The following TBC1D8 variants were observed in gnomAD, a reference collection of about 807,000 sequenced individuals.
TBC1D8 encodes BUB2-like protein 1.
In TBC1D8, 65 loss-of-function variants were observed where a neutral mutation model predicts 118.8. The observed-to-expected ratio is 0.55, with a 90% CI of 0.45 to 0.67. The LOEUF is 0.67. Among genes scored for constraint, TBC1D8 ranks in the 30% least tolerant of loss-of-function variants. TBC1D8 has a pLI of 0.00. For missense variants in TBC1D8, 1,376 were observed against 1,471.2 expected (o/e 0.94, Z 1.06); for synonymous variants, 566 against 595.8 (o/e 0.95, Z 0.73).
intron 15 of TBC1D8, among the ~76,000 whole-genome samples, chr2:101,022,767 C>A (rs1680117994): frequency 6.6e-6 from 1 of 152,136 alleles, no homozygotes; most frequent in Non-Finnish European, 1.5e-5. Flanking sequence ...ACCAATGTAA[C>A]TATTTTTAAA....
intron 15 of TBC1D8, among the ~76,000 whole-genome samples, chr2:101,024,481 A>G (rs1279806563): frequency 7.0e-6 from 1 of 143,154 alleles, no homozygotes; most frequent in African/African-American, 2.6e-5. Flanking sequence ...ATCTTGGCTC[A>G]CTGCAACCTC....
intron 3 of TBC1D8, among the ~76,000 whole-genome samples, chr2:101,056,184 T>C (rs1682416005): frequency 6.7e-6 from 1 of 149,986 alleles, no homozygotes; most frequent in South Asian, 2.1e-4. Context: ...AAAATAACAA[T>C]GTAATGTAAA....
At chr2:101,095,214 A>G (rs985508522) in intron 1 of TBC1D8, among the ~76,000 whole-genome samples, 5 of 152,002 alleles carry the variant, frequency 3.3e-5, no homozygotes, top group African/African-American at 1.2e-4. Flanking sequence ...GCCGTTCTCC[A>G]TTAATAAAGG....
chr2:101,145,922 C>G (rs1679300522), intron 1 of TBC1D8, among the ~76,000 whole-genome samples: 1 of 152,148 alleles, frequency 6.6e-6, no homozygotes, highest in Non-Finnish European at 1.5e-5. Context: ...TTTCTTATGT[C>G]CTTCACTACA....
rs546321327 is a variant in TBC1D8 at position 101,008,210 on chromosome 2, C to T, written c.3079G>A (p.Asp1027Asn). 6.2e-6 allele frequency: 10 copies of T among 1,605,494 alleles called. No individual in the cohort carries two copies. The highest frequency in any genetic ancestry group is 4.0e-5 in the African/African-American group (3 of 74,716). ...ACTGTGGCGATGGCTTGATACAAATCATTTTCTTCTGGATCTTCATGGAAC... is the reference window on the plus strand; with the variant it reads ...ACTGTGGCGATGGCTTGATACAAATTATTTTCTTCTGGATCTTCATGGAAC... ...SMFHEDPEEN[D>N]LYQAIATVTT... Residue 1027 changes from aspartate (D) to asparagine (N), a missense_variant, in exon 20 of 20, where the codon GAT becomes AAT. Coordinates refer to ENST00000409318, the MANE Select transcript of TBC1D8 (RefSeq NM_001330348.2).
intron 1 of TBC1D8, among the ~76,000 whole-genome samples, chr2:101,129,314 T>G (rs942128146): frequency 2.6e-5 from 4 of 152,054 alleles, no homozygotes; most frequent in African/African-American, 9.7e-5. Flanking sequence ...CTAATGTTTT[T>G]GTATTTTTAG....
intron 1 of TBC1D8, among the ~76,000 whole-genome samples, chr2:101,101,903 G>T (rs765769961): frequency 6.6e-6 from 1 of 152,046 alleles, no homozygotes; most frequent in Admixed American, 6.5e-5. Flanking sequence ...TGGGGGGTAG[G>T]GGGTGAGGGG....
chr2:101,059,554 A>C lies in TBC1D8; in HGVS notation c.284-15T>G, dbSNP rs892135796. 6.3e-7 allele frequency: 1 copy of C among 1,577,004 alleles called. No individual in the cohort carries two copies. Among genetic ancestry groups the C allele is most frequent in the African/African-American group, 1.4e-5 (1 of 73,994 alleles). On this transcript the variant is annotated splice_polypyrimidine_tract_variant and intron_variant, in intron 2 of 19. Coordinates refer to ENST00000409318, the MANE Select transcript of TBC1D8 (RefSeq NM_001330348.2). ...TAATGTTGCACCTGGATTCAAACAG[A>C]AAAAGATACAGAGATTAAAAAATGC...
At chr2:101,082,569 T>C (rs1675333729) in intron 2 of TBC1D8, among the ~76,000 whole-genome samples, 1 of 152,224 alleles carries the variant, frequency 6.6e-6, no homozygotes, top group Admixed American at 6.5e-5. Flanking sequence ...AAAGCCGACT[T>C]ACAATGGAAT....
chr2:101,125,386 G>C (rs1257660700), intron 1 of TBC1D8, among the ~76,000 whole-genome samples: 1 of 152,186 alleles, frequency 6.6e-6, no homozygotes, highest in African/African-American at 2.4e-5. Context: ...GCAAAGTCAG[G>C]AATCTGAGAA....
chr2:101,054,637 C>T (rs980403699), intron 3 of TBC1D8, among the ~76,000 whole-genome samples: 6 of 122,182 alleles, frequency 4.9e-5, no homozygotes, highest in Admixed American at 1.8e-4. Flanking sequence ...CTTCTAAGCC[C>T]GGTTCTCAAA....
At chr2:101,054,836 C>T (rs1259081281) in intron 3 of TBC1D8, among the ~76,000 whole-genome samples, 1 of 151,426 alleles carries the variant, frequency 6.6e-6, no homozygotes, top group Non-Finnish European at 1.5e-5. Context: ...GCACGCACCA[C>T]CACGCTGGGC....
chr2:101,031,107 G>C (rs1680645335), intron 11 of TBC1D8, among the ~76,000 whole-genome samples: 1 of 152,198 alleles, frequency 6.6e-6, no homozygotes, highest in Non-Finnish European at 1.5e-5. Context: ...TGTTGCATAT[G>C]AGCTGTCACA....
rs34465252 is a variant in TBC1D8 at position 101,054,672 on chromosome 2, C to CTTTTTTTTTT, written c.403-346_403-337dup. On this transcript the variant is annotated intron_variant, in intron 3 of 19. Transcript: ENST00000409318. Reference sequence around the variant, plus strand: ...ACAAACAATCATTTTCTTTTCTTTTCTTTTTTTTTTTTTTTTTTTTTTTTT... The same window carrying CTTTTTTTTTT: ...ACAAACAATCATTTTCTTTTCTTTTCTTTTTTTTTTTTTTTTTTTTTTTTTTTTTTTTTTT... Among the ~76,000 whole-genome samples, 108 of 25,374 alleles carry CTTTTTTTTTT rather than the reference C, an allele frequency of 4.3e-3. 1 individual carries two copies. The highest frequency in any genetic ancestry group is 5.1e-3 in the Non-Finnish European group (86 of 16,864). The allele number at this position is 25,374 out of a possible 152,430, so 16.6% of individuals were successfully genotyped here.
At chr2:101,029,991 G>A in intron 11 of TBC1D8, 1 of 489,894 alleles carries the variant, frequency 2.0e-6, no homozygotes, top group South Asian at 3.6e-5. Flanking sequence ...TGATCAGCTG[G>A]AAAGTGGCAT....
chr2:101,032,016 G>A (rs1680698256), intron 11 of TBC1D8, among the ~76,000 whole-genome samples: 1 of 152,126 alleles, frequency 6.6e-6, no homozygotes, highest in Non-Finnish European at 1.5e-5. Context: ...AAAATTATGT[G>A]TTTGTTTTAA....
intron 1 of TBC1D8, among the ~76,000 whole-genome samples, chr2:101,098,894 C>T (rs532592297): frequency 6.6e-6 from 1 of 152,202 alleles, no homozygotes; most frequent in South Asian, 2.1e-4. Flanking sequence ...GCACTTAATC[C>T]TCACATCAGA....
At chr2:101,011,126 C>T in intron 18 of TBC1D8, 100 bp from the exon 19 acceptor site, 1 of 1,129,816 alleles carries the variant, frequency 8.9e-7, no homozygotes, top group Non-Finnish European at 1.3e-6. Flanking sequence ...GTGAGGAATT[C>T]CACTAAGCAA....
At chr2:101,102,569 T>A (rs1207581233) in intron 1 of TBC1D8, among the ~76,000 whole-genome samples, 3 of 149,798 alleles carry the variant, frequency 2.0e-5, no homozygotes, top group Non-Finnish European at 4.4e-5. Context: ...ATGGCTCAAC[T>A]GTATGTTGTC....
Sources: allele counts gnomAD v4.1 joint callset (sites outside exome capture counted in the v4.1 genomes callset), GRCh38; gene constraint gnomAD v4.1.1; transcripts MANE v1.5; gene names NCBI Gene and HGNC (gene_info 2026-07-23, HGNC 2026-07-21).